Variants in ECHDC2 observed in about 807,000 individuals in gnomAD.
The protein encoded by ECHDC2 is enoyl-CoA hydratase domain-containing protein 2, mitochondrial.
In ECHDC2, 34 loss-of-function variants were observed where a neutral mutation model predicts 40.6. That is an observed-to-expected ratio of 0.84 (90% CI 0.64 to 1.11). The LOEUF (loss-of-function observed/expected upper bound fraction) is 1.11, where lower values mean the gene tolerates loss of function less well. Ranked by LOEUF, ECHDC2 falls within the 50% of genes most tolerant of loss-of-function variation. The pLI, the probability that ECHDC2 is intolerant of heterozygous loss-of-function variation, is 0.00. For synonymous variants in ECHDC2, 162 were observed against 166.6 expected (o/e 0.97, Z 0.21); for missense variants, 392 against 400.7 (o/e 0.98, Z 0.19).
intron 7 of ECHDC2, chr1:52,900,727 T>C (rs1328234772): frequency 6.6e-6 from 1 of 152,196 alleles, no homozygotes; most frequent in African/African-American, 2.4e-5. Flanking sequence ...ACTTCCACTT[T>C]TAAAACTGGG....
At chr1:52,920,532 A>T in intron 1 of ECHDC2, 3 of 1,527,592 alleles carry the variant, frequency 2.0e-6, no homozygotes, top group Non-Finnish European at 2.7e-6. Flanking sequence ...CGAGGAGCTA[A>T]AATGGAAGGC....
At chr1:52,897,022 T>G in intron 9 of ECHDC2, 1 of 287,556 alleles carries the variant, frequency 3.5e-6, no homozygotes, top group Non-Finnish European at 6.6e-6. Flanking sequence ...CATTTTTTAC[T>G]CACCCATGAG....
Position 52,898,948 on chromosome 1 carries a change from A to G in ECHDC2, c.753+226T>C, listed in dbSNP as rs1001417313. The stretch of plus-strand genomic sequence containing the variant: ...TTTACCCTTTCTTAACCTCAATCTC[A>G]TCCTCTCTCCAAGGGAGAAAGATGA... On this transcript the variant is annotated intron_variant, in intron 8 of 9. Coordinates refer to ENST00000371522, the MANE Select transcript of ECHDC2 (RefSeq NM_001198961.2). 12 of 610,992 alleles carry G rather than the reference A, an allele frequency of 2.0e-5. No homozygotes were observed. The South Asian group carries it at 2.3e-4, about 12-fold the overall frequency. 37.8% of individuals were successfully genotyped at this position (610,992 alleles called of 1,614,324 possible).
chr1:52,906,322 A>G, intron 5 of ECHDC2, 197 bp downstream of exon 5: 1 of 680,842 alleles, frequency 1.5e-6, no homozygotes, highest in Non-Finnish European at 2.7e-6. Context: ...CAGGTCACAG[A>G]TACTACAGCA....
intron 1 of ECHDC2, among the ~76,000 whole-genome samples, chr1:52,919,566 T>C (rs1228206408): frequency 1.3e-5 from 2 of 152,150 alleles, no homozygotes; most frequent in Non-Finnish European, 2.9e-5. Flanking sequence ...TGTAGCCCCG[T>C]TGTTAAGCAA....
At chr1:52,912,201 G>GTTTT in intron 1 of ECHDC2, 1 of 231,456 alleles carries the variant, frequency 4.3e-6, no homozygotes, top group Non-Finnish European at 7.3e-6. Flanking sequence ...GCGGGGGAGA[G>GTTTT]TTTTGCTGTT....
At chr1:52,918,014 G>A (rs1466598252) in intron 1 of ECHDC2, among the ~76,000 whole-genome samples, 1 of 151,942 alleles carries the variant, frequency 6.6e-6, no homozygotes, top group African/African-American at 2.4e-5. Flanking sequence ...TGTTGCCCAG[G>A]CTGGAGTACA....
chr1:52,914,157 C>G lies in ECHDC2; in HGVS notation c.122-2367G>C, dbSNP rs185869150. On this transcript the variant is annotated intron_variant, in intron 1 of 9. Coordinates refer to ENST00000371522, the MANE Select transcript of ECHDC2 (RefSeq NM_001198961.2). The surrounding 1 kb of genome is among the most constrained non-coding windows in gnomAD (Gnocchi z 4.0). ...GTGAGGAGAACTTGGAGAAAAAGGA[C>G]AAACAAGTAAGGGGCCTCCAGTGGG... The G allele has an allele frequency of 6.2e-4, 287 of 466,652 alleles. 1 individual carries two copies. The highest frequency in any genetic ancestry group is 5.4e-3 in the African/African-American group (271 of 50,180). The allele number at this position is 466,652 out of a possible 1,614,324, so 28.9% of individuals were successfully genotyped here.
In ECHDC2 at chr1:52,905,056, C is replaced by A. The variant is rs34668291; in HGVS notation, c.492G>T (p.Thr164=). ...SSAVMGLIET[T]RGLLPGAGGT... ...TACCTGCCCCCGGGAGGAGCCCTCGCGTGGTCTCAATCAGTCCCATGACTG... is the reference window on the plus strand; with the variant it reads ...TACCTGCCCCCGGGAGGAGCCCTCGAGTGGTCTCAATCAGTCCCATGACTG... The change falls in exon 6 of 10, where the codon ACG becomes ACT. Residue 164 remains threonine, a synonymous_variant. Coordinates refer to ENST00000371522, the MANE Select transcript of ECHDC2 (RefSeq NM_001198961.2). 8.1e-6 allele frequency: 13 copies of A among 1,613,380 alleles called. No individual in the cohort carries two copies. In the South Asian group the frequency reaches 9.9e-5, roughly 12 times the overall value.
intron 1 of ECHDC2, chr1:52,917,725 T>A: frequency 2.3e-6 from 1 of 441,844 alleles, no homozygotes; most frequent in Middle Eastern, 3.9e-4. Context: ...CAGACTCTAA[T>A]GGAGCTGAAA....
At chr1:52,910,352 G>GCTTTTTTTTTTTTTTTT (rs1649094598) in intron 3 of ECHDC2, among the ~76,000 whole-genome samples, 2 of 32,062 alleles carry the variant, frequency 6.2e-5, no homozygotes, top group African/African-American at 2.2e-4. Flanking sequence ...CCACAATTTC[G>GCTTTTTTTTTTTTTTTT]TTTTTTTTTT....
intron 1 of ECHDC2, among the ~76,000 whole-genome samples, chr1:52,916,913 G>A (rs1650800385): frequency 6.6e-6 from 1 of 152,168 alleles, no homozygotes; most frequent in African/African-American, 2.4e-5. Context: ...GAGGTGTTGT[G>A]GGTAGAAGTC....
chr1:52,909,155 T>G (rs1648762485), intron 3 of ECHDC2, among the ~76,000 whole-genome samples: 1 of 152,130 alleles, frequency 6.6e-6, no homozygotes, highest in South Asian at 2.1e-4. Flanking sequence ...GGAACCCTGG[T>G]GCATTGCTGG....
chr1:52,901,737 T>C (rs1233359921), intron 7 of ECHDC2: 1 of 152,254 alleles, frequency 6.6e-6, no homozygotes, highest in East Asian at 1.9e-4. Flanking sequence ...ACTGGTGTTT[T>C]GGTATACAAA....
At chr1:52,897,893 G>T in intron 8 of ECHDC2, 1 of 267,398 alleles carries the variant, frequency 3.7e-6, no homozygotes, top group Non-Finnish European at 7.4e-6. Flanking sequence ...TTCTACAGCT[G>T]AGAAACCTGA....
At chr1:52,916,328 T>C (rs1350075687) in intron 1 of ECHDC2, among the ~76,000 whole-genome samples, 1 of 152,082 alleles carries the variant, frequency 6.6e-6, no homozygotes, top group Non-Finnish European at 1.5e-5. Context: ...GCTGACTGTC[T>C]CTCATCTTTC....
At chr1:52,916,265 A>T (rs1486873728) in intron 1 of ECHDC2, among the ~76,000 whole-genome samples, 1 of 152,148 alleles carries the variant, frequency 6.6e-6, no homozygotes, top group African/African-American at 2.4e-5. Context: ...GTATCCTGGG[A>T]CTGGCAGACA....
intron 3 of ECHDC2, among the ~76,000 whole-genome samples, chr1:52,911,127 C>T (rs1224030847): frequency 1.3e-5 from 2 of 152,250 alleles, no homozygotes; most frequent in Middle Eastern, 3.4e-3. Flanking sequence ...CAGGTGCCTG[C>T]CACCATACCC....
At chr1:52,910,172 G>C (rs1455041499) in intron 3 of ECHDC2, among the ~76,000 whole-genome samples, 2 of 151,850 alleles carry the variant, frequency 1.3e-5, no homozygotes, top group African/African-American at 4.8e-5. Context: ...TGGAGGGGAA[G>C]GGGGAATGGG....
Sources: allele counts gnomAD v4.1 joint callset (sites outside exome capture counted in the v4.1 genomes callset), GRCh38; gene constraint gnomAD v4.1.1; non-coding constraint Gnocchi (gnomAD v3.1); transcripts MANE v1.5; gene names NCBI Gene and HGNC (gene_info 2026-07-23, HGNC 2026-07-21).